The following PTPRG variants were observed in gnomAD, a reference collection of about 807,000 sequenced individuals.
PTPRG encodes the protein protein tyrosine phosphatase receptor type G.
Under a neutral mutation model 165.3 loss-of-function variants are expected in PTPRG, and 102 were observed. The ratio of observed to expected loss-of-function variants is 0.62; its 90% CI spans 0.53 to 0.73. The LOEUF is 0.73. PTPRG is among the 30% of genes least tolerant of loss of function. PTPRG has a pLI of 0.00. For missense variants in PTPRG, 1,866 were observed against 1,861.4 expected, an observed-to-expected ratio of 1.00 and a Z score of -0.05; for synonymous variants, 675 against 669.5, an observed-to-expected ratio of 1.01 and a Z score of -0.13.
chr3:62,259,352 A>G (rs1576186785), intron 16 of PTPRG, among the ~76,000 whole-genome samples: 1 of 152,148 alleles, frequency 6.6e-6, no homozygotes, highest in Non-Finnish European at 1.5e-5. Context: ...GGAAGAAGAA[A>G]TGTCTTGGGC....
At chr3:61,787,774 G>T (rs73084058) in intron 2 of PTPRG, among the ~76,000 whole-genome samples, 2,282 of 152,282 alleles carry the variant, frequency 0.015, 27 homozygotes, top group Non-Finnish European at 0.025. Context: ...GACTTGATGG[G>T]CTGTAAAACA....
At chr3:61,651,169 A>G (rs374399838) in intron 1 of PTPRG, among the ~76,000 whole-genome samples, 30 of 150,582 alleles carry the variant, frequency 2.0e-4, no homozygotes, top group Non-Finnish European at 3.5e-4. Flanking sequence ...CATAATTTCT[A>G]TATACTACCA....
In PTPRG at chr3:62,203,209, C is replaced by A; in HGVS notation, c.1414C>A (p.Pro472Thr). The change falls in exon 12 of 30, where the codon CCC becomes ACC. Residue 472 changes from proline to threonine, a missense_variant. Transcript: ENST00000474889. This position sits in a 1 kb window ranked among gnomAD's most constrained non-coding sequence, Gnocchi z 6.4. ...ASPASSADMA[P>T]ISSGSSTWTS... ...TCCTGCCTCTTCAGCCGACATGGCC[C>A]CCATCAGCTCGGGGTCTTCTACCTG... 6.2e-7 allele frequency: 1 copy of A among 1,608,336 alleles called. No homozygotes were observed. The highest frequency in any genetic ancestry group is 8.5e-7 in the Non-Finnish European group (1 of 1,176,002).
At chr3:61,669,215 G>GTTTCAGGCAAGAT (rs1702897095) in intron 1 of PTPRG, among the ~76,000 whole-genome samples, 1 of 152,158 alleles carries the variant, frequency 6.6e-6, no homozygotes, top group Non-Finnish European at 1.5e-5. Context: ...AGAAGTGTTT[G>GTTTCAGGCAAGAT]TTTCAGGCAA....
intron 1 of PTPRG, among the ~76,000 whole-genome samples, chr3:61,681,580 A>G (rs911440461): frequency 6.6e-6 from 1 of 152,136 alleles, no homozygotes; most frequent in African/African-American, 2.4e-5. Context: ...ATTTCCCAAT[A>G]TATGCTTCAT....
intron 5 of PTPRG, among the ~76,000 whole-genome samples, chr3:62,107,970 C>G (rs1421663775): frequency 6.6e-6 from 1 of 152,106 alleles, no homozygotes; most frequent in African/African-American, 2.4e-5. Flanking sequence ...TTTATTACCT[C>G]TCAGTTACAA....
intron 3 of PTPRG, among the ~76,000 whole-genome samples, chr3:61,998,500 C>T (rs918063175): frequency 3.3e-5 from 5 of 152,196 alleles, no homozygotes; most frequent in African/African-American, 1.2e-4. Context: ...GGAACGAAGG[C>T]ACCAAGAAGT....
At chr3:61,600,792 C>T (rs932520413) in intron 1 of PTPRG, among the ~76,000 whole-genome samples, 5 of 152,258 alleles carry the variant, frequency 3.3e-5, no homozygotes, top group East Asian at 1.9e-4. Flanking sequence ...CCTGCTACCT[C>T]GGTGTCCCAA....
chr3:61,881,537 G>A (rs1434411356), intron 2 of PTPRG, among the ~76,000 whole-genome samples: 3 of 152,188 alleles, frequency 2.0e-5, no homozygotes, highest in Admixed American at 6.5e-5. Context: ...ATGCAGATCT[G>A]AAAGCTCCTG....
intron 1 of PTPRG, among the ~76,000 whole-genome samples, chr3:61,743,848 G>GT (rs994526540): frequency 2.6e-5 from 4 of 152,120 alleles, no homozygotes; most frequent in African/African-American, 9.7e-5. Flanking sequence ...TCATAAGCAT[G>GT]CTCCATTTTT....
intron 1 of PTPRG, among the ~76,000 whole-genome samples, chr3:61,686,587 A>T (rs1575589586): frequency 6.6e-6 from 1 of 152,216 alleles, no homozygotes; most frequent in African/African-American, 2.4e-5. Context: ...AAAATGACTC[A>T]TGTCAAGGTT....
chr3:61,713,805 C>T (rs2031683267), intron 1 of PTPRG, among the ~76,000 whole-genome samples: 1 of 152,138 alleles, frequency 6.6e-6, no homozygotes, highest in Non-Finnish European at 1.5e-5. Flanking sequence ...CATCCACACT[C>T]TTATTAGATG....
At chr3:61,999,339 G>T (rs2041115187) in intron 3 of PTPRG, among the ~76,000 whole-genome samples, 1 of 152,142 alleles carries the variant, frequency 6.6e-6, no homozygotes, top group South Asian at 2.1e-4. Flanking sequence ...AAGCCACCGT[G>T]CCTGGCCTGG....
chr3:61,844,709 A>T (rs2036756586), intron 2 of PTPRG, among the ~76,000 whole-genome samples: 1 of 150,990 alleles, frequency 6.6e-6, no homozygotes, highest in African/African-American at 2.4e-5. Flanking sequence ...TGCTATATTG[A>T]ACAGGGTGGT....
intron 5 of PTPRG, among the ~76,000 whole-genome samples, chr3:62,107,766 A>G (rs1402091564): frequency 3.3e-5 from 5 of 152,232 alleles, no homozygotes; most frequent in African/African-American, 1.2e-4. Flanking sequence ...CCATTCATTC[A>G]TTACATGTTT....
chr3:61,705,453 G>C (rs542749552), intron 1 of PTPRG, among the ~76,000 whole-genome samples: 21 of 152,190 alleles, frequency 1.4e-4, no homozygotes, highest in Non-Finnish European at 2.4e-4. Context: ...TTTAAAACTG[G>C]AGGCCTGCTG....
At chr3:61,605,272 T>G (rs540213161) in intron 1 of PTPRG, among the ~76,000 whole-genome samples, 1 of 152,352 alleles carries the variant, frequency 6.6e-6, no homozygotes, top group East Asian at 1.9e-4. Flanking sequence ...TTTTATTCTT[T>G]TGATACAGAG....
intron 5 of PTPRG, among the ~76,000 whole-genome samples, chr3:62,110,066 T>C (rs1337642553): frequency 1.3e-5 from 2 of 148,498 alleles, no homozygotes; most frequent in Non-Finnish European, 3.0e-5. Context: ...TCAGTAGCTC[T>C]CTCTCTATTC....
At chr3:62,017,067 G>A (rs938753508) in intron 4 of PTPRG, among the ~76,000 whole-genome samples, 3 of 152,138 alleles carry the variant, frequency 2.0e-5, no homozygotes, top group African/African-American at 7.2e-5. Flanking sequence ...TTTTAGAGGA[G>A]GGGATCAGAG....
Sources: gnomAD v4.1 joint callset for allele counts (sites outside exome capture counted in the v4.1 genomes callset) on GRCh38, gnomAD v4.1.1 for gene constraint, Gnocchi (gnomAD v3.1) non-coding constraint, MANE v1.5 for transcripts, NCBI Gene and HGNC (gene_info 2026-07-23, HGNC 2026-07-21) for gene names.